Variants in IGSF9B observed in about 807,000 individuals in gnomAD.
IGSF9B encodes the protein immunoglobulin superfamily member 9B, also known as protein turtle homolog B.
IGSF9B carries 48 observed loss-of-function variants against 143.7 expected under a neutral mutation model. The observed-to-expected ratio is 0.33, with a 90% CI of 0.26 to 0.42. IGSF9B has a LOEUF of 0.42. Among genes scored for constraint, IGSF9B ranks in the 20% least tolerant of loss-of-function variants. The probability of loss-of-function intolerance (pLI) is 1.00; values close to 1 mark genes in which losing one functional copy is unlikely to be tolerated. For synonymous variants in IGSF9B, 903 were observed against 833.1 expected (o/e 1.08, Z -1.44); for missense variants, 1,706 against 1,980.0 (o/e 0.86, Z 2.63).
chr11:133,924,970 C>T (rs976610510), intron 14 of IGSF9B, 66 bp from the exon 15 acceptor site: 5 of 1,347,928 alleles, frequency 3.7e-6, no homozygotes, highest in Non-Finnish European at 5.3e-6. Flanking sequence ...CCCTCACACA[C>T]TCATCCTGCA....
intron 1 of IGSF9B, among the ~76,000 whole-genome samples, chr11:133,946,748 G>A (rs1269599026): frequency 2.6e-5 from 4 of 152,196 alleles, no homozygotes; most frequent in Non-Finnish European, 5.9e-5. Context: ...GGTGGGAAAT[G>A]ACAGAGCCAG....
chr11:133,925,920 G>A lies in IGSF9B; in HGVS notation c.1853C>T (p.Pro618Leu). ...TPEPLVLVTP[P>L]RCLIANRTQQ... Reference sequence around the variant, plus strand: ...AGTCCGATTGGCTATGAGGCACCTCGGTGGGGTGACCAGCACCAGGGGTTC... The same window carrying A: ...AGTCCGATTGGCTATGAGGCACCTCAGTGGGGTGACCAGCACCAGGGGTTC... The change falls in exon 14 of 20, where the codon CCG (proline) becomes CTG (leucine). Residue 618 changes from proline to leucine, a missense_variant. By Grantham distance (98) the Pro-to-Leu change is moderately conservative. This residue lies in a region of IGSF9B where 267 missense variants were observed against 321.1 expected (regional missense o/e 0.83). Transcript: ENST00000533871. The A allele has an allele frequency of 6.2e-7, 1 of 1,609,900 alleles. No individual in the cohort carries two copies. Among genetic ancestry groups the A allele is most frequent in the Non-Finnish European group, 8.5e-7 (1 of 1,178,086 alleles).
intron 7 of IGSF9B, among the ~76,000 whole-genome samples, chr11:133,932,457 G>GGACA (rs1332331592): frequency 1.4e-5 from 2 of 146,598 alleles, no homozygotes; most frequent in Non-Finnish European, 1.5e-5. Flanking sequence ...ACAGACACAG[G>GGACA]GACAGACAGA....
chr11:133,919,007 C>T (rs761354502), intron 18 of IGSF9B: 9 of 483,428 alleles, frequency 1.9e-5, no homozygotes, highest in African/African-American at 1.4e-4. Flanking sequence ...CACAGGCAGG[C>T]GTCCAGGCCC....
At chr11:133,947,853 CTCTGTCTGCCTG>C (rs1565450318) in intron 1 of IGSF9B, among the ~76,000 whole-genome samples, 1 of 151,942 alleles carries the variant, frequency 6.6e-6, no homozygotes, top group African/African-American at 2.4e-5. Context: ...TTGCTGGCTC[CTCTGTCTGCCTG>C]TCTGTCTGCC....
rs1407772414 is a variant in IGSF9B, at chr11:133,928,103, G to A, written c.1632-1012C>T. Among the ~76,000 whole-genome samples, 4 of 152,188 alleles carry A rather than the reference G, an allele frequency of 2.6e-5. No individual in the cohort carries two copies. The East Asian group carries it at 7.7e-4, about 29-fold the overall frequency. On this transcript the variant is annotated intron_variant, in intron 12 of 19. Transcript: ENST00000533871. The surrounding 1 kb of genome is among the most constrained non-coding windows in gnomAD (Gnocchi z 4.7). ...GAGCAGCAGCGTGGAGCAGCAGCGT[G>A]AAGCAGCACCGCAAGCAGCAGGGGA...
rs1377359717 is a variant in IGSF9B, at chr11:133,932,119, G to A, written c.1062C>T (p.Ala354=). ...IRCPVDAEPP[A]TVVKWNKDGR... is the part of the protein sequence containing the mutation. ...CGTCCTTGTTCCACTTGACCACGGT[G>A]GCCGGTGGTTCTGCGTCCACAGGGC... is the stretch of plus-strand genomic sequence containing the variant. Residue 354 remains alanine (A), a synonymous_variant, in exon 8 of 20, where the codon GCC becomes GCT. Coordinates refer to ENST00000533871, the MANE Select transcript of IGSF9B (RefSeq NM_001277285.4). 1 of 1,613,774 alleles carries A rather than the reference G, an allele frequency of 6.2e-7. No homozygotes were observed. The highest frequency in any genetic ancestry group is 1.7e-5 in the Admixed American group (1 of 59,980).
chr11:133,935,925 G>T (rs185206877), intron 6 of IGSF9B, 128 bp downstream of exon 6: 4 of 1,393,074 alleles, frequency 2.9e-6, no homozygotes, highest in Non-Finnish European at 3.9e-6. Flanking sequence ...GAGACACACG[G>T]ACCAGACTGC....
Position 133,951,679 on chromosome 11 carries a change from AC to A in IGSF9B, c.64+5011del, listed in dbSNP as rs527789352. Among the ~76,000 whole-genome samples, 26 of 151,736 alleles carry A rather than the reference AC, an allele frequency of 1.7e-4. No homozygotes were observed. The South Asian group carries it at 4.4e-3, about 26-fold the overall frequency. On this transcript the variant is annotated intron_variant, in intron 1 of 19. Coordinates refer to ENST00000533871, the MANE Select transcript of IGSF9B (RefSeq NM_001277285.4). ...GGCTCCTCAGCAGAGGCAAAGCCAC[AC>A]CCCCACTGCCCCTCTCCCCACCTGG...
intron 3 of IGSF9B, among the ~76,000 whole-genome samples, chr11:133,940,905 C>T (rs1450880642): frequency 2.0e-5 from 3 of 152,346 alleles, no homozygotes; most frequent in Middle Eastern, 3.4e-3. Flanking sequence ...AACTTGCAGG[C>T]CTCTTCTCAC....
intron 17 of IGSF9B, 112 bp downstream of exon 17, chr11:133,922,065 A>G: frequency 1.1e-6 from 1 of 872,948 alleles, no homozygotes; most frequent in Non-Finnish European, 1.9e-6. Flanking sequence ...ACACAGGTCA[A>G]TCAAGAAGAA....
chr11:133,909,243 G>C lies in IGSF9B; in HGVS notation c.4140C>G (p.Asn1380Lys). The C allele has an allele frequency of 6.5e-7, 1 of 1,535,912 alleles. No homozygotes were observed. The highest frequency in any genetic ancestry group is 8.7e-7 in the Non-Finnish European group (1 of 1,146,738). ...DSASQTQQLPNSQVLWPDEAV... is the reference protein window; with the variant it reads ...DSASQTQQLPKSQVLWPDEAV... ...CTTCATCGGGCCACAGAACCTGAGA[G>C]TTGGGAAGCTGCTGAGTCTGGGAGG... The change falls in exon 20 of 20, where the codon AAC becomes AAG. Residue 1380 changes from asparagine to lysine, a missense_variant. Coordinates refer to ENST00000533871, the MANE Select transcript of IGSF9B (RefSeq NM_001277285.4). The surrounding 1 kb of genome is among the most constrained non-coding windows in gnomAD (Gnocchi z 4.2).
At chr11:133,949,494 GGATA>G (rs1301309121) in intron 1 of IGSF9B, among the ~76,000 whole-genome samples, 1 of 152,144 alleles carries the variant, frequency 6.6e-6, no homozygotes, top group East Asian at 1.9e-4. Flanking sequence ...GGAAGATGGA[GGATA>G]GATAGAGAAA....
chr11:133,901,945 A>ACCACATCACACACATGCACACCG lies in IGSF9B; in HGVS notation c.*7123_*7124insCGGTGTGCATGTGTGTGATGTGG, dbSNP rs575519976. ...ACACCAAACCACACAACACACACAC[A>ACCACATCACACACATGCACACCG]CATCACACACATGCACACCGCATCA... On this transcript the variant is annotated 3_prime_UTR_variant, in exon 20 of 20. Coordinates refer to ENST00000533871, the MANE Select transcript of IGSF9B (RefSeq NM_001277285.4). 1.6e-5 allele frequency among the ~76,000 whole-genome samples: 2 copies of ACCACATCACACACATGCACACCG among 122,564 alleles called. No homozygotes were observed. The highest frequency in any genetic ancestry group is 3.5e-5 in the Non-Finnish European group (2 of 57,326). The allele number at this position is 122,564 out of a possible 152,430, so 80.4% of individuals were successfully genotyped here. A position where few individuals can be genotyped will look rare whatever the true frequency, so the allele number is the denominator to read the frequency against.
intron 1 of IGSF9B, among the ~76,000 whole-genome samples, chr11:133,947,295 G>A (rs1940071446): frequency 6.6e-6 from 1 of 152,178 alleles, no homozygotes; most frequent in Admixed American, 6.5e-5. Context: ...GAGGCCACAA[G>A]GTCACCTTGT....
chr11:133,952,264 C>T (rs1169187163), intron 1 of IGSF9B: 1 of 338,354 alleles, frequency 3.0e-6, no homozygotes, highest in Middle Eastern at 1.1e-3. Context: ...GCATAAGCTG[C>T]CTATCCAACC....
In IGSF9B at chr11:133,920,860, G is replaced by C; in HGVS notation, c.2865C>G (p.Pro955=). The stretch of plus-strand genomic sequence containing the variant: ...CATGGTGGAAGGGCCGGGGGGCAGG[G>C]GGCCGGGCCTGGCCTGTGGCCTGAA... ...GRLQATGQAR[P]PAPRPFHHGQ... Residue 955 remains proline, a synonymous_variant, in exon 18 of 20, where the codon CCC becomes CCG. Coordinates refer to ENST00000533871, the MANE Select transcript of IGSF9B (RefSeq NM_001277285.4). 6.2e-7 allele frequency: 1 copy of C among 1,602,364 alleles called. No individual in the cohort carries two copies. The highest frequency in any genetic ancestry group is 8.5e-7 in the Non-Finnish European group (1 of 1,173,898).
intron 1 of IGSF9B, among the ~76,000 whole-genome samples, chr11:133,956,121 C>T (rs896193029): frequency 2.0e-5 from 3 of 152,120 alleles, no homozygotes; most frequent in African/African-American, 2.4e-5. Context: ...TAGGGGGATC[C>T]GACCTCCAGC....
At chr11:133,922,943 G>A (rs955344023) in intron 15 of IGSF9B, among the ~76,000 whole-genome samples, 9 of 152,200 alleles carry the variant, frequency 5.9e-5, no homozygotes, top group African/African-American at 1.9e-4. Context: ...TCTCCAAAGG[G>A]TGTAAAGAAG....
Sources: allele counts gnomAD v4.1 joint callset (sites outside exome capture counted in the v4.1 genomes callset), GRCh38; gene constraint gnomAD v4.1.1; regional missense constraint gnomAD v4.1.1; non-coding constraint Gnocchi (gnomAD v3.1); transcripts MANE v1.5; gene names NCBI Gene and HGNC (gene_info 2026-07-23, HGNC 2026-07-21).